The following RHCE variants were observed in gnomAD, a reference collection of about 807,000 sequenced individuals.
RHCE encodes the protein Rh blood group CcEe antigens.
In RHCE, 22 loss-of-function variants were observed where a neutral mutation model predicts 43.8. That is an observed-to-expected ratio of 0.50 (90% confidence interval 0.36 to 0.72). The LOEUF (loss-of-function observed/expected upper bound fraction) is 0.72, where lower values mean the gene tolerates loss of function less well. Ranked by LOEUF, RHCE falls within the 30% of genes least tolerant of loss-of-function variation. RHCE has a pLI of 0.00. For missense variants in RHCE, 385 were observed against 525.4 expected (o/e 0.73, Z 2.61); for synonymous variants, 156 against 210.7 (o/e 0.74, Z 2.25).
At chr1:25,385,901 AC>A in intron 6 of RHCE, 57 bp from the exon 7 acceptor site, 1 of 1,612,944 alleles carries the variant, frequency 6.2e-7, no homozygotes, top group Non-Finnish European at 8.5e-7. Context: ...TTCCCTACCC[AC>A]CCCTTTCACA....
chr1:25,411,811 G>A (rs1464597391), intron 1 of RHCE, among the ~76,000 whole-genome samples: 1 of 152,176 alleles, frequency 6.6e-6, no homozygotes, highest in South Asian at 2.1e-4. Context: ...GGAGCAGTGA[G>A]GCTTGTGTTC....
At chr1:25,392,928 C>T (rs1024293730) in intron 3 of RHCE, among the ~76,000 whole-genome samples, 25 of 152,068 alleles carry the variant, frequency 1.6e-4, no homozygotes, top group African/African-American at 6.0e-4. Context: ...CACATGGACA[C>T]GCACTTCACT....
intron 8 of RHCE, among the ~76,000 whole-genome samples, chr1:25,371,459 C>A (rs1645609291): frequency 6.6e-6 from 1 of 151,490 alleles, no homozygotes; most frequent in African/African-American, 2.4e-5. Context: ...CAGCCTCAAA[C>A]TCCCAGGCAC....
chr1:25,401,170 G>C (rs547870875), intron 3 of RHCE, among the ~76,000 whole-genome samples: 26 of 152,288 alleles, frequency 1.7e-4, no homozygotes, highest in African/African-American at 6.3e-4. Flanking sequence ...GCACAGTAAA[G>C]GGGCTTCATG....
At chr1:25,391,908 A>T in intron 4 of RHCE, 86 bp downstream of exon 4, 1 of 1,595,002 alleles carries the variant, frequency 6.3e-7, no homozygotes, top group Non-Finnish European at 8.6e-7. Flanking sequence ...AAGTTGGTAA[A>T]GGAGGGAGAT....
intron 6 of RHCE, among the ~76,000 whole-genome samples, chr1:25,386,854 C>CACAA (rs1646186691): frequency 6.6e-6 from 1 of 150,564 alleles, no homozygotes; most frequent in East Asian, 1.9e-4. Context: ...CACACACACA[C>CACAA]ACACACACAC....
intron 2 of RHCE, among the ~76,000 whole-genome samples, chr1:25,407,828 C>T (rs1044998523): frequency 1.6e-5 from 2 of 123,374 alleles, no homozygotes; most frequent in African/African-American, 5.0e-5. Context: ...CACCTCCTGC[C>T]CAGGTAACCA....
rs184247343 is a variant in RHCE, at chr1:25,378,227, G to A, written c.1074-2799C>T. ...ATACACTACTGGTGATTAGATTGGC[G>A]CAAACTACTAGAGAAAACTGTTTAG... On this transcript the variant is annotated intron_variant, in intron 7 of 9. Transcript: ENST00000294413. Among the ~76,000 whole-genome samples the A allele has an allele frequency of 1.8e-4, 27 of 152,308 alleles. No individual in the cohort carries two copies. The South Asian group carries it at 2.1e-3, about 12-fold the overall frequency.
chr1:25,393,375 C>T (rs1465853812), intron 3 of RHCE, among the ~76,000 whole-genome samples: 5 of 152,136 alleles, frequency 3.3e-5, no homozygotes, highest in Non-Finnish European at 7.4e-5. Context: ...AATCTCAGCA[C>T]TTTGGGAGGC....
intron 3 of RHCE, among the ~76,000 whole-genome samples, chr1:25,396,628 GAGAA>G (rs1557624514): frequency 6.6e-6 from 1 of 152,114 alleles, no homozygotes; most frequent in African/African-American, 2.4e-5. Flanking sequence ...GAGAGAGAGA[GAGAA>G]AGAGAGAGAG....
At chr1:25,377,899 T>C (rs1156485531) in intron 7 of RHCE, among the ~76,000 whole-genome samples, 1 of 152,192 alleles carries the variant, frequency 6.6e-6, no homozygotes, top group Non-Finnish European at 1.5e-5. Context: ...AAGGAGACTC[T>C]GTTTCAAAAA....
At chr1:25,418,089 C>T (rs2042648960) in intron 1 of RHCE, among the ~76,000 whole-genome samples, 3 of 152,138 alleles carry the variant, frequency 2.0e-5, no homozygotes, top group Admixed American at 6.5e-5. Context: ...AGTGCAGTGG[C>T]GTATTCTCAG....
chr1:25,382,578 T>A (rs1646032571), intron 7 of RHCE, among the ~76,000 whole-genome samples: 1 of 151,680 alleles, frequency 6.6e-6, no homozygotes, highest in South Asian at 2.1e-4. Context: ...TCCATCACCA[T>A]GATAACAGTC....
intron 7 of RHCE, among the ~76,000 whole-genome samples, chr1:25,384,899 C>T (rs367543817): frequency 6.6e-6 from 1 of 152,328 alleles, no homozygotes; most frequent in East Asian, 1.9e-4. Flanking sequence ...GTTTCTAGCA[C>T]AATGCCCAAC....
intron 3 of RHCE, among the ~76,000 whole-genome samples, chr1:25,394,186 A>C (rs1383725488): frequency 6.6e-6 from 1 of 151,648 alleles, no homozygotes; most frequent in Non-Finnish European, 1.5e-5. Flanking sequence ...ACGGGGTTTC[A>C]CCATGTTCCC....
intron 1 of RHCE, chr1:25,411,308 T>A (rs1647068867): frequency 1.9e-6 from 3 of 1,549,784 alleles, no homozygotes; most frequent in Admixed American, 2.0e-5. Flanking sequence ...TTCATCAACA[T>A]CATCATGACA....
At chr1:25,421,615 C>T (rs143751398), upstream of RHCE, among the ~76,000 whole-genome samples, 369 of 152,334 alleles carry the variant, frequency 2.4e-3, 5 homozygotes, top group African/African-American at 8.4e-3. Context: ...CAGTACTGGA[C>T]AGTCCAGTCC....
intron 3 of RHCE, 116 bp downstream of exon 3, chr1:25,402,480 C>A (rs905312178): frequency 1.6e-5 from 24 of 1,496,260 alleles, no homozygotes; most frequent in Non-Finnish European, 2.1e-5. Flanking sequence ...CCCTCCTCAA[C>A]CTCCCAAGTA....
Position 25,408,791 on chromosome 1 carries a change from C to G in RHCE, c.227G>C (p.Ser76Thr), listed in dbSNP as rs200598291. ...CAGCATGAAGAGGTTGAAGGCCACA[C>G]TGCTCCAGCTGTGTCTCCGGAAATT... is the stretch of plus-strand genomic sequence containing the variant. ...TSNFRRHSWS[S>T]VAFNLFMLAL... is the part of the protein sequence containing the mutation. Residue 76 changes from serine (S) to threonine (T), a missense_variant, in exon 2 of 10, where the codon AGT (serine) becomes ACT (threonine). This residue lies in a region of RHCE where 110 missense variants were observed against 192.1 expected (regional missense o/e 0.57). Coordinates refer to ENST00000294413, the MANE Select transcript of RHCE (RefSeq NM_020485.8). 2 of 1,282,946 alleles carry G rather than the reference C, an allele frequency of 1.6e-6. No individual in the cohort carries two copies. Among genetic ancestry groups the G allele is most frequent in the African/African-American group, 1.4e-5 (1 of 72,508 alleles). The allele number at this position is 1,282,946 out of a possible 1,614,324, so 79.5% of individuals were successfully genotyped here.
Sources: allele counts gnomAD v4.1 joint callset (sites outside exome capture counted in the v4.1 genomes callset), GRCh38; gene constraint gnomAD v4.1.1; regional missense constraint gnomAD v4.1.1; transcripts MANE v1.5; gene names NCBI Gene and HGNC (gene_info 2026-07-23, HGNC 2026-07-21).